The following NRXN1 variants were observed in gnomAD, a reference collection of about 807,000 sequenced individuals.
The protein encoded by NRXN1 is neurexin-1.
A neutral mutation model predicts 150.9 loss-of-function variants in NRXN1; 39 were observed. That is an observed-to-expected ratio of 0.26 (90% CI 0.20 to 0.34). The LOEUF is 0.34. NRXN1 is among the 10% of genes least tolerant of loss of function. The pLI, the probability that NRXN1 is intolerant of heterozygous loss-of-function variation, is 1.00. For missense variants in NRXN1, 1,815 were observed against 1,949.9 expected (o/e 0.93, Z 1.30); for synonymous variants, 924 against 757.0 (o/e 1.22, Z -3.62).
At chr2:50,844,927 C>CCTGTCAA (rs1673416079) in intron 5 of NRXN1, among the ~76,000 whole-genome samples, 1 of 151,918 alleles carries the variant, frequency 6.6e-6, no homozygotes, top group Non-Finnish European at 1.5e-5. Context: ...GATCACAGTT[C>CCTGTCAA]ATTGCAGTCT....
intron 8 of NRXN1, among the ~76,000 whole-genome samples, chr2:50,560,612 A>T (rs947194095): frequency 6.6e-6 from 1 of 152,042 alleles, no homozygotes; most frequent in Admixed American, 6.6e-5. Context: ...TTGGATTTTT[A>T]GTAGAGACGG....
At chr2:50,115,155 T>G (rs1408605927) in intron 18 of NRXN1, among the ~76,000 whole-genome samples, 2 of 150,134 alleles carry the variant, frequency 1.3e-5, no homozygotes, top group Admixed American at 6.7e-5. Flanking sequence ...AATTTTTTTT[T>G]TTTGTGAACC....
At chr2:50,303,808 A>T (rs1360024938) in intron 17 of NRXN1, among the ~76,000 whole-genome samples, 1 of 152,102 alleles carries the variant, frequency 6.6e-6, no homozygotes, top group Non-Finnish European at 1.5e-5. Flanking sequence ...CATTTTTTCT[A>T]CTTACTATCC....
chr2:50,127,440 T>G (rs1286394956), intron 18 of NRXN1, among the ~76,000 whole-genome samples: 1 of 152,138 alleles, frequency 6.6e-6, no homozygotes, highest in Non-Finnish European at 1.5e-5. Flanking sequence ...GAAATAGAAT[T>G]GTGAAAAATA....
Position 50,686,244 on chromosome 2 carries a change from T to C in NRXN1, c.833-62629A>G, listed in dbSNP as rs772199084. Reference sequence around the variant, plus strand: ...GGCAGAGTGTTTTATTTGGCAAACATAGTACATTTTTAAAAATGAAGTTAT... The same window carrying C: ...GGCAGAGTGTTTTATTTGGCAAACACAGTACATTTTTAAAAATGAAGTTAT... On this transcript the variant is annotated intron_variant, in intron 5 of 22. Coordinates refer to ENST00000401669, the MANE Select transcript of NRXN1 (RefSeq NM_001330078.2). Among the ~76,000 whole-genome samples the C allele has an allele frequency of 5.3e-5, 8 of 152,092 alleles. No homozygotes were observed. The South Asian group carries it at 1.0e-3, about 20-fold the overall frequency.
At chr2:50,652,174 C>T (rs1685737683) in intron 5 of NRXN1, among the ~76,000 whole-genome samples, 1 of 152,060 alleles carries the variant, frequency 6.6e-6, no homozygotes, top group Non-Finnish European at 1.5e-5. Flanking sequence ...GAAATGTTGT[C>T]TTCCTTCTTT....
intron 5 of NRXN1, among the ~76,000 whole-genome samples, chr2:50,895,241 C>A (rs551294210): frequency 6.6e-6 from 1 of 151,558 alleles, no homozygotes; most frequent in South Asian, 2.1e-4. Flanking sequence ...AAACAATGAG[C>A]CATTTTATGA....
intron 19 of NRXN1, among the ~76,000 whole-genome samples, chr2:50,068,304 A>C (rs1190150136): frequency 6.6e-6 from 1 of 152,188 alleles, no homozygotes; most frequent in African/African-American, 2.4e-5. Flanking sequence ...CAATTTTATA[A>C]AATGTAAAAC....
intron 22 of NRXN1, among the ~76,000 whole-genome samples, chr2:49,925,675 A>T (rs553084234): frequency 2.0e-5 from 3 of 152,292 alleles, no homozygotes; most frequent in South Asian, 4.1e-4. Flanking sequence ...AGACATTTTT[A>T]AAAAATTAAA....
At chr2:49,947,395 T>G (rs1006427743) in intron 21 of NRXN1, among the ~76,000 whole-genome samples, 1 of 152,088 alleles carries the variant, frequency 6.6e-6, no homozygotes, top group Non-Finnish European at 1.5e-5. Context: ...GTGGAAATAT[T>G]TGAGGTCACA....
chr2:50,935,910 CTATTT>C (rs1688477182), intron 2 of NRXN1, among the ~76,000 whole-genome samples: 2 of 152,042 alleles, frequency 1.3e-5, no homozygotes, highest in South Asian at 4.1e-4. Context: ...TTTTCCAAGT[CTATTT>C]TCAGTGTTGA....
At chr2:50,887,036 T>C (rs184834088) in intron 5 of NRXN1, among the ~76,000 whole-genome samples, 140 of 151,574 alleles carry the variant, frequency 9.2e-4, no homozygotes, top group Non-Finnish European at 1.3e-4. Context: ...ATTTAATGTA[T>C]AGTTGTTAGT....
At chr2:50,241,395 G>A (rs2065986342) in intron 17 of NRXN1, among the ~76,000 whole-genome samples, 1 of 151,844 alleles carries the variant, frequency 6.6e-6, no homozygotes, top group South Asian at 2.1e-4. Flanking sequence ...GGAACATAGA[G>A]GAATGTGTCA....
intron 17 of NRXN1, among the ~76,000 whole-genome samples, chr2:50,252,630 C>T (rs2067237776): frequency 6.6e-6 from 1 of 152,120 alleles, no homozygotes. Flanking sequence ...TTTCCATTTT[C>T]TGTATATGGC....
intron 8 of NRXN1, among the ~76,000 whole-genome samples, chr2:50,575,550 C>A (rs1302844698): frequency 6.6e-6 from 1 of 152,184 alleles, no homozygotes; most frequent in African/African-American, 2.4e-5. Context: ...ATTCTGATCT[C>A]TCTTTTTATT....
At chr2:50,219,947 A>AT (rs2063707760) in intron 18 of NRXN1, among the ~76,000 whole-genome samples, 1 of 43,134 alleles carries the variant, frequency 2.3e-5, no homozygotes, top group African/African-American at 2.0e-4. Flanking sequence ...TATATATTAT[A>AT]TATATAATAT....
Position 49,935,623 on chromosome 2 carries a change from T to C in NRXN1, c.4216+8081A>G, listed in dbSNP as rs2241751. On this transcript the variant is annotated intron_variant, in intron 22 of 22. Transcript: ENST00000401669. ...GTAGCATTTGCTGCCCCTTGGAGCATATGTGCCAACAATGAAAGCATATTG... is the reference window on the plus strand; with the variant it reads ...GTAGCATTTGCTGCCCCTTGGAGCACATGTGCCAACAATGAAAGCATATTG... Among the ~76,000 whole-genome samples the C allele has an allele frequency of 1.3e-3, 205 of 152,306 alleles. 7 individuals carry two copies. The East Asian group carries it at 0.036, about 27-fold the overall frequency.
At chr2:50,923,713 A>G (rs1686433082) in intron 3 of NRXN1, among the ~76,000 whole-genome samples, 1 of 151,980 alleles carries the variant, frequency 6.6e-6, no homozygotes, top group Middle Eastern at 3.4e-3. Flanking sequence ...CACATTTATC[A>G]GTTTTAATAA....
chr2:50,658,964 G>A (rs2104623181), intron 5 of NRXN1, among the ~76,000 whole-genome samples: 1 of 152,142 alleles, frequency 6.6e-6, no homozygotes, highest in East Asian at 2.0e-4. Flanking sequence ...TGAGAAATGA[G>A]CCATGAACTC....
Sources: gnomAD v4.1 joint callset for allele counts (sites outside exome capture counted in the v4.1 genomes callset) on GRCh38, gnomAD v4.1.1 for gene constraint, MANE v1.5 for transcripts, NCBI Gene and HGNC (gene_info 2026-07-23, HGNC 2026-07-21) for gene names.